Variants in MACO1 observed in about 807,000 individuals in gnomAD.
The protein encoded by MACO1 is macoilin.
Under a neutral mutation model 78.7 loss-of-function variants are expected in MACO1, and 14 were observed. The observed-to-expected ratio is 0.18, with a 90% CI of 0.12 to 0.28. The LOEUF is 0.28. MACO1 is among the 10% of genes least tolerant of loss of function. The pLI, the probability that MACO1 is intolerant of heterozygous loss-of-function variation, is 1.00. For missense variants in MACO1, 501 were observed against 799.0 expected (o/e 0.63, Z 4.50); for synonymous variants, 288 against 291.6 (o/e 0.99, Z 0.12).
chr1:25,479,452 C>T (rs538956282), intron 6 of MACO1, among the ~76,000 whole-genome samples: 1 of 152,074 alleles, frequency 6.6e-6, no homozygotes, highest in Non-Finnish European at 1.5e-5. Flanking sequence ...CTCTCTCTGT[C>T]GCCCAGACTG....
chr1:25,470,137 TAACTATA>T (rs2043254996), intron 6 of MACO1, among the ~76,000 whole-genome samples: 1 of 152,244 alleles, frequency 6.6e-6, no homozygotes, highest in Non-Finnish European at 1.5e-5. Context: ...TTGGTGTGAA[TAACTATA>T]AAACAGAGCA....
At chr1:25,461,783 A>T (rs991195828) in intron 6 of MACO1, among the ~76,000 whole-genome samples, 3 of 152,248 alleles carry the variant, frequency 2.0e-5, no homozygotes, top group Non-Finnish European at 4.4e-5. Flanking sequence ...TCTAATATAC[A>T]TAGAAAAATG....
rs1038781189 is a variant in MACO1 at position 25,482,409 on chromosome 1, A to G, written c.1155-1707A>G. 2.6e-5 allele frequency among the ~76,000 whole-genome samples: 4 copies of G among 152,136 alleles called. No homozygotes were observed. The South Asian group carries it at 6.2e-4, about 24-fold the overall frequency. ...CTTCAGCACCACTCTCCACAGTCCT[A>G]TCTACCAGATCTGTTCTATCCTTTC... On this transcript the variant is annotated intron_variant, in intron 6 of 10. Transcript: ENST00000374343.
rs1052927790 is a variant in MACO1, at chr1:25,451,911, G to A, written c.350-2348G>A. 8.2e-5 allele frequency among the ~76,000 whole-genome samples: 12 copies of A among 146,238 alleles called. No homozygotes were observed. The East Asian group carries it at 1.4e-3, about 17-fold the overall frequency. On this transcript the variant is annotated intron_variant, in intron 3 of 10. Transcript: ENST00000374343. ...CACTCCACTGCACTCCAGCCTGGGCGACAGAGCGAGACTCTGTCTCCAAAA... is the reference window on the plus strand; with the variant it reads ...CACTCCACTGCACTCCAGCCTGGGCAACAGAGCGAGACTCTGTCTCCAAAA...
chr1:25,461,364 TAATAA>T (rs569805082), intron 6 of MACO1, among the ~76,000 whole-genome samples: 43 of 152,136 alleles, frequency 2.8e-4, no homozygotes, highest in South Asian at 4.2e-4. Flanking sequence ...AGTATAATAA[TAATAA>T]AATAAAATAA....
intron 6 of MACO1, among the ~76,000 whole-genome samples, chr1:25,478,236 C>T (rs1431352581): frequency 2.6e-5 from 4 of 152,114 alleles, no homozygotes; most frequent in African/African-American, 9.7e-5. Flanking sequence ...CAGAGCGAGA[C>T]TCTGTCTCAA....
chr1:25,459,153 C>T (rs781250125), intron 6 of MACO1, among the ~76,000 whole-genome samples: 6 of 152,190 alleles, frequency 3.9e-5, no homozygotes, highest in Non-Finnish European at 8.8e-5. Context: ...TTCTTCTAGT[C>T]GTGTTGTAAG....
At chr1:25,453,057 G>A (rs1264037403) in intron 3 of MACO1, among the ~76,000 whole-genome samples, 2 of 146,998 alleles carry the variant, frequency 1.4e-5, no homozygotes, top group African/African-American at 5.1e-5. Context: ...CCAGGCTGAA[G>A]TGCAATGATG....
At chr1:25,477,712 G>T (rs997518120) in intron 6 of MACO1, among the ~76,000 whole-genome samples, 1 of 152,154 alleles carries the variant, frequency 6.6e-6, no homozygotes, top group African/African-American at 2.4e-5. Flanking sequence ...CTGCCCTGAT[G>T]CCTTAAACTT....
At chr1:25,474,877 C>T (rs1330152770) in intron 6 of MACO1, among the ~76,000 whole-genome samples, 1 of 152,198 alleles carries the variant, frequency 6.6e-6, no homozygotes, top group Non-Finnish European at 1.5e-5. Flanking sequence ...AGTGAAGTCT[C>T]AAGTCAGAGC....
At chr1:25,447,697 A>C (rs1320798569) in intron 2 of MACO1, among the ~76,000 whole-genome samples, 2 of 152,218 alleles carry the variant, frequency 1.3e-5, no homozygotes, top group Admixed American at 1.3e-4. Context: ...AGTGTAAAAA[A>C]GGCAGATAAC....
intron 10 of MACO1, among the ~76,000 whole-genome samples, chr1:25,493,344 TCCTC>T (rs1168605709): frequency 1.3e-5 from 2 of 151,890 alleles, no homozygotes; most frequent in African/African-American, 4.8e-5. Context: ...GTTCAAGTGA[TCCTC>T]CCACCTCAGC....
At position 25,439,212 on chromosome 1, in the gene MACO1, C is replaced by CTATT. The variant is rs200981849; in HGVS notation, c.81-7532_81-7529dup. On this transcript the variant is annotated intron_variant, in intron 1 of 10. Transcript: ENST00000374343. Reference sequence around the variant, plus strand: ...ACCTTAGTGAAAGGCATAAGATACCCTATTTATTTATTTATTTATTTTTAA... The same window carrying CTATT: ...ACCTTAGTGAAAGGCATAAGATACCCTATTTATTTATTTATTTATTTATTTTTAA... 5.5e-3 allele frequency among the ~76,000 whole-genome samples: 843 copies of CTATT among 151,934 alleles called. 6 individuals are homozygous for CTATT. Among genetic ancestry groups the CTATT allele is most frequent in the Middle Eastern group, 0.01 (3 of 294 alleles).
At position 25,454,267 on chromosome 1, in the gene MACO1, G is replaced by A; in HGVS notation, c.358G>A (p.Val120Met). 1.3e-6 allele frequency: 2 copies of A among 1,591,734 alleles called. No individual in the cohort carries two copies. The highest frequency in any genetic ancestry group is 1.7e-6 in the Non-Finnish European group (2 of 1,169,294). Residue 120 changes from valine (V) to methionine (M), a missense_variant, in exon 4 of 11, where the codon GTG becomes ATG. Transcript: ENST00000374343. ...CTGCTGCTTTCTCACAGAAAGGGGA[G>A]TGTGTTTGCCTACAGTGTCTCTCTG... ...VQYVWHTERGVCLPTVSLWIL... is the reference protein window; with the variant it reads ...VQYVWHTERGMCLPTVSLWIL...
At chr1:25,445,421 C>T (rs979078348) in intron 1 of MACO1, among the ~76,000 whole-genome samples, 27 of 152,158 alleles carry the variant, frequency 1.8e-4, no homozygotes, top group African/African-American at 6.3e-4. Context: ...TAGAAATCGA[C>T]CCTAGATGAC....
At chr1:25,496,866 C>T (rs968361677) in intron 10 of MACO1, among the ~76,000 whole-genome samples, 1 of 152,196 alleles carries the variant, frequency 6.6e-6, no homozygotes, top group African/African-American at 2.4e-5. Flanking sequence ...AATCCTGGCT[C>T]TGTCACTAGC....
At chr1:25,438,040 C>T (rs2042934911) in intron 1 of MACO1, among the ~76,000 whole-genome samples, 2 of 152,012 alleles carry the variant, frequency 1.3e-5, no homozygotes, top group African/African-American at 2.4e-5. Context: ...GAATGGAAAT[C>T]GCTAAAAAAG....
chr1:25,453,203 G>A (rs1221272291), intron 3 of MACO1, among the ~76,000 whole-genome samples: 2 of 147,600 alleles, frequency 1.4e-5, no homozygotes, highest in African/African-American at 2.5e-5. Flanking sequence ...ACAGGGTTTT[G>A]CCATGTTGGC....
In MACO1 at chr1:25,455,161, A is replaced by T. The variant is rs557663560; in HGVS notation, c.473+779A>T. 4.6e-5 allele frequency among the ~76,000 whole-genome samples: 7 copies of T among 152,350 alleles called. No individual in the cohort carries two copies. In the South Asian group the frequency reaches 1.4e-3, roughly 32 times the overall value. ...ATATGGCTAATTCATGAAACTTAAA[A>T]TAATTTAGAATTTCCTTAGCCTATT... On this transcript the variant is annotated intron_variant, in intron 4 of 10. Transcript: ENST00000374343.
Sources: gnomAD v4.1 joint callset for allele counts (sites outside exome capture counted in the v4.1 genomes callset) on GRCh38, gnomAD v4.1.1 for gene constraint, MANE v1.5 for transcripts, NCBI Gene and HGNC (gene_info 2026-07-23, HGNC 2026-07-21) for gene names.